KIF14: variants seen among roughly 807,000 people sequenced by gnomAD.
The protein encoded by KIF14 is kinesin family member 14.
Under a neutral mutation model 176.2 loss-of-function variants are expected in KIF14, and 98 were observed. The observed-to-expected ratio is 0.56, with a 90% confidence interval of 0.47 to 0.66. KIF14 has a LOEUF of 0.66. Among genes scored for constraint, KIF14 ranks in the 30% least tolerant of loss-of-function variants. The pLI is 0.00. For missense variants in KIF14, 1,751 were observed against 1,920.4 expected (o/e 0.91, Z 1.65); for synonymous variants, 566 against 632.2 (o/e 0.90, Z 1.57).
At chr1:200,578,425 A>C (rs1640037684) in intron 21 of KIF14, among the ~76,000 whole-genome samples, 2 of 152,124 alleles carry the variant, frequency 1.3e-5, no homozygotes, top group South Asian at 4.1e-4. Context: ...AAGGTAGTAT[A>C]TTTTACAAAT....
intron 14 of KIF14, among the ~76,000 whole-genome samples, chr1:200,596,094 A>G (rs1437103973): frequency 6.6e-6 from 1 of 151,986 alleles, no homozygotes; most frequent in African/African-American, 2.4e-5. Flanking sequence ...TCTCTACTAA[A>G]AATACAACAA....
chr1:200,595,492 G>A (rs1659283628), intron 14 of KIF14, among the ~76,000 whole-genome samples: 1 of 152,210 alleles, frequency 6.6e-6, no homozygotes, highest in Non-Finnish European at 1.5e-5. Flanking sequence ...TTAGAGGCAA[G>A]CAAGAGGCTT....
At chr1:200,604,867 T>C (rs1473269484) in intron 8 of KIF14, among the ~76,000 whole-genome samples, 5 of 152,080 alleles carry the variant, frequency 3.3e-5, no homozygotes, top group African/African-American at 4.8e-5. Context: ...TTTTTCTAAA[T>C]ACTCTGCATA....
At position 200,617,766 on chromosome 1, in the gene KIF14, A is replaced by C; in HGVS notation, c.958T>G (p.Ser320Ala). ...CTTTCCTGTTTATTTGCAAGAAAGG[A>C]ACTTTTTGGTCTTTGTTTAACTTGA... ...NLQVKQRPKS[S>A]FLANKQERSA... The change falls in exon 2 of 30, where the codon TCC (serine) becomes GCC (alanine). Residue 320 changes from serine (S) to alanine (A), a missense_variant. Coordinates refer to ENST00000367350, the MANE Select transcript of KIF14 (RefSeq NM_014875.3). The C allele has an allele frequency of 6.2e-7, 1 of 1,614,114 alleles. No individual in the cohort carries two copies. Among genetic ancestry groups the C allele is most frequent in the African/African-American group, 1.3e-5 (1 of 75,014 alleles).
intron 13 of KIF14, 135 bp downstream of exon 13, chr1:200,599,914 CG>C (rs1659541021): frequency 1.8e-6 from 1 of 559,966 alleles, no homozygotes; most frequent in Admixed American, 3.6e-5. Context: ...ATTTTCCTTA[CG>C]GTATTGCTTT....
At position 200,580,390 on chromosome 1, in the gene KIF14, G is replaced by A; in HGVS notation, c.3336-7C>T. ...TTTATCTGATATATCATGTCTGAAA[G>A]AAAAATAAACAAAAAAAAGCTTATC... is the stretch of plus-strand genomic sequence containing the variant. On this transcript the variant is annotated splice_region_variant and splice_polypyrimidine_tract_variant and intron_variant, in intron 20 of 29. Transcript: ENST00000367350. The A allele has an allele frequency of 6.9e-7, 1 of 1,444,128 alleles. No homozygotes were observed. The highest frequency in any genetic ancestry group is 2.5e-5 in the Admixed American group (1 of 40,588). The allele number at this position is 1,444,128 out of a possible 1,614,324, so 89.5% of individuals were successfully genotyped here.
chr1:200,583,347 A>G (rs1006891734), intron 19 of KIF14, among the ~76,000 whole-genome samples: 7 of 152,130 alleles, frequency 4.6e-5, no homozygotes, highest in Admixed American at 4.6e-4. Context: ...AAAGAGAGAG[A>G]GGGAGAGCAA....
chr1:200,603,929 G>A lies in KIF14; in HGVS notation c.1773C>T (p.His591=), dbSNP rs534641548. 8.4e-5 allele frequency: 136 copies of A among 1,612,584 alleles called. No homozygotes were observed. Among genetic ancestry groups the A allele is most frequent in the Non-Finnish European group, 1.1e-4 (124 of 1,178,750 alleles). The change falls in exon 9 of 30, where the codon CAC becomes CAT. Residue 591 remains histidine (H), a synonymous_variant. Coordinates refer to ENST00000367350, the MANE Select transcript of KIF14 (RefSeq NM_014875.3). ...TKTEFVEGEE[H]DHRITSRINL... ...TAATTCGACTTGTTATTCTGTGATC[G>A]TGTTCTTCCCCTTCCACAAATTCTG...
At chr1:200,599,644 C>T (rs1659530794) in intron 13 of KIF14, among the ~76,000 whole-genome samples, 1 of 152,216 alleles carries the variant, frequency 6.6e-6, no homozygotes, top group Non-Finnish European at 1.5e-5. Flanking sequence ...TTGCTTATGG[C>T]TCAATCTACT....
At chr1:200,601,078 TC>T (rs1412584059) in intron 11 of KIF14, among the ~76,000 whole-genome samples, 1 of 152,172 alleles carries the variant, frequency 6.6e-6, no homozygotes, top group African/African-American at 2.4e-5. Flanking sequence ...AGACAGGGTT[TC>T]CCCATGTTGG....
chr1:200,586,362 A>G, intron 18 of KIF14, 135 bp from the exon 19 acceptor site: 1 of 610,308 alleles, frequency 1.6e-6, no homozygotes, highest in Non-Finnish European at 2.6e-6. Context: ...ACCCCATAAC[A>G]TTGTATAACT....
At position 200,603,893 on chromosome 1, in the gene KIF14, A is replaced by G; in HGVS notation, c.1809T>C (p.Asp603=). ...TAGAGCAGCGCTCACTGCCTGCCAG[A>G]TCTATTAGGTTAATTCGACTTGTTA... is the stretch of plus-strand genomic sequence containing the variant. The part of the protein sequence containing the change: ...HRITSRINLI[D]LAGSERCSTA... Residue 603 remains aspartate (D), a synonymous_variant, in exon 9 of 30, where the codon GAT becomes GAC. Coordinates refer to ENST00000367350, the MANE Select transcript of KIF14 (RefSeq NM_014875.3). 1 of 1,613,904 alleles carries G rather than the reference A, an allele frequency of 6.2e-7. No individual in the cohort carries two copies. The highest frequency in any genetic ancestry group is 1.3e-5 in the African/African-American group (1 of 75,040).
intron 5 of KIF14, among the ~76,000 whole-genome samples, chr1:200,607,354 G>C (rs1376381325): frequency 6.6e-6 from 1 of 152,064 alleles, no homozygotes; most frequent in African/African-American, 2.4e-5. Context: ...GGCTAGGCTG[G>C]TCGGGAACTC....
chr1:200,579,007 C>T (rs939000601), intron 21 of KIF14, among the ~76,000 whole-genome samples: 2 of 152,082 alleles, frequency 1.3e-5, no homozygotes, highest in Non-Finnish European at 2.9e-5. Flanking sequence ...AGGAGAATGG[C>T]GTGAACTCAG....
At chr1:200,615,223 A>G (rs1190763193) in intron 3 of KIF14, 132 bp downstream of exon 3, 1 of 925,460 alleles carries the variant, frequency 1.1e-6, no homozygotes, top group Non-Finnish European at 1.6e-6. Context: ...CAGAACTGGT[A>G]TATAAAATGG....
intron 19 of KIF14, among the ~76,000 whole-genome samples, chr1:200,582,373 A>C (rs1258389545): frequency 1.1e-5 from 1 of 92,620 alleles, no homozygotes; most frequent in East Asian, 2.0e-4. Flanking sequence ...ACTTTGTCTC[A>C]AAAAAAAAAA....
intron 23 of KIF14, among the ~76,000 whole-genome samples, chr1:200,566,252 A>G (rs1046893823): frequency 1.8e-4 from 28 of 151,546 alleles, no homozygotes; most frequent in African/African-American, 5.8e-4. Flanking sequence ...TCTTTACTCT[A>G]TGGTAGGAAT....
At chr1:200,589,395 T>C (rs1289729682) in intron 17 of KIF14, 26 bp from the exon 18 acceptor site, 1 of 1,569,038 alleles carries the variant, frequency 6.4e-7, no homozygotes, top group Non-Finnish European at 8.6e-7. Context: ...ATAAAAAATA[T>C]CTCAGGCAAA....
Position 200,600,087 on chromosome 1 carries a change from G to T in KIF14, c.2327C>A (p.Ala776Asp), listed in dbSNP as rs903390215. 3 of 1,598,834 alleles carry T rather than the reference G, an allele frequency of 1.9e-6. No homozygotes were observed. Among genetic ancestry groups the T allele is most frequent in the Non-Finnish European group, 2.6e-6 (3 of 1,168,900 alleles). ...QRVWKEKFEQ[A>D]EKRKLQETKE... ...TGTTTCTTGAAGTTTTCTTTTTTCA[G>T]CTTGTTCAAACTTTTCTTTCCACAC... The change falls in exon 13 of 30, where the codon GCT becomes GAT. Residue 776 changes from alanine (A) to aspartate (D), a missense_variant. Transcript: ENST00000367350.
Sources: gnomAD v4.1 joint callset for allele counts (sites outside exome capture counted in the v4.1 genomes callset) on GRCh38, gnomAD v4.1.1 for gene constraint, MANE v1.5 for transcripts, NCBI Gene and HGNC (gene_info 2026-07-23, HGNC 2026-07-21) for gene names.